ANTXRL: variants seen among roughly 807,000 people sequenced by gnomAD.
ANTXRL encodes the protein ANTXR like.
A neutral mutation model predicts 75.4 loss-of-function variants in ANTXRL; 63 were observed. The ratio of observed to expected loss-of-function variants is 0.84; its 90% CI spans 0.68 to 1.03. ANTXRL has a LOEUF of 1.03. ANTXRL is among the 50% of genes least tolerant of loss of function. The probability of loss-of-function intolerance (pLI) is 0.00; values close to 1 mark genes in which losing one functional copy is unlikely to be tolerated. For synonymous variants in ANTXRL, 335 were observed against 291.3 expected (o/e 1.15, Z -1.53); for missense variants, 797 against 789.4 (o/e 1.01, Z -0.12).
chr10:46,315,949 G>A (rs1237875233), intron 16 of ANTXRL, among the ~76,000 whole-genome samples: 1 of 151,982 alleles, frequency 6.6e-6, no homozygotes, highest in Admixed American at 6.6e-5. Context: ...TAAATTTTTT[G>A]ATAGTGTCCT....
In ANTXRL at chr10:46,329,870, C is replaced by A. The variant is rs558297801; in HGVS notation, c.1682C>A (p.Pro561Gln). ...CSPRICLRHS[P>Q]EYFSQAQTLC... ...CCAAGGATCTGCCTGAGACACAGCC[C>A]GGAGTACTTTTCCCAAGCACAGACT... Residue 561 changes from proline to glutamine, a missense_variant, in exon 17 of 17, where the codon CCG (proline) becomes CAG (glutamine). This residue lies in a region of ANTXRL where 479 missense variants were observed against 422.0 expected (regional missense o/e 1.14). Coordinates refer to ENST00000620264, the MANE Select transcript of ANTXRL (RefSeq NM_001278688.3). 2 of 1,534,934 alleles carry A rather than the reference C, an allele frequency of 1.3e-6. No individual in the cohort carries two copies. The highest frequency in any genetic ancestry group is 1.4e-5 in the African/African-American group (1 of 72,906).
At chr10:46,307,293 G>A in intron 11 of ANTXRL, 109 bp from the exon 12 acceptor site, 3 of 824,728 alleles carry the variant, frequency 3.6e-6, no homozygotes, top group Non-Finnish European at 2.0e-6. Flanking sequence ...TCATTGCTAA[G>A]TTTACCTGCA....
intron 16 of ANTXRL, among the ~76,000 whole-genome samples, chr10:46,317,716 T>C (rs572774189): frequency 2.0e-4 from 30 of 149,360 alleles, no homozygotes; most frequent in South Asian, 1.0e-3. Context: ...CCAAAACACA[T>C]GCACACACAC....
intron 11 of ANTXRL, 87 bp downstream of exon 11, chr10:46,306,959 C>T (rs2132776202): frequency 1.8e-6 from 2 of 1,123,696 alleles, no homozygotes; most frequent in African/African-American, 1.6e-5. Flanking sequence ...TGGATGCCCC[C>T]CACCCCCTGC....
chr10:46,316,541 C>A (rs555425694), intron 16 of ANTXRL, among the ~76,000 whole-genome samples: 6 of 152,102 alleles, frequency 3.9e-5, no homozygotes, highest in Admixed American at 3.3e-4. Flanking sequence ...CTGTGGACAC[C>A]GAAGCTCTGA....
intron 15 of ANTXRL, among the ~76,000 whole-genome samples, 168 bp downstream of exon 15, chr10:46,311,833 C>T (rs1219937802): frequency 1.3e-5 from 2 of 152,158 alleles, no homozygotes; most frequent in African/African-American, 2.4e-5. Flanking sequence ...ACCTCACCCT[C>T]GTGCCCCAGT....
intron 1 of ANTXRL, among the ~76,000 whole-genome samples, chr10:46,288,030 C>T (rs1231178638): frequency 1.3e-5 from 2 of 152,058 alleles, no homozygotes; most frequent in South Asian, 2.1e-4. Context: ...TGGAGAGCCA[C>T]GCGATAGTTC....
At chr10:46,305,650 G>A (rs10796320) in intron 10 of ANTXRL, among the ~76,000 whole-genome samples, 62,467 of 151,684 alleles carry the variant, frequency 0.41, 12,995 homozygotes, top group African/African-American at 0.58. Flanking sequence ...GCCCTCTCCC[G>A]CACTTCAGGA....
intron 9 of ANTXRL, among the ~76,000 whole-genome samples, chr10:46,298,349 G>A (rs1837513392): frequency 1.3e-5 from 2 of 151,850 alleles, no homozygotes; most frequent in Admixed American, 1.3e-4. Context: ...CTGTGGAAAT[G>A]TGTGTGAGAT....
At chr10:46,314,604 C>T (rs1484340274) in intron 16 of ANTXRL, among the ~76,000 whole-genome samples, 3 of 152,018 alleles carry the variant, frequency 2.0e-5, no homozygotes, top group Non-Finnish European at 2.9e-5. Flanking sequence ...TTGTCTCATT[C>T]CCAAGGGCAG....
At chr10:46,296,724 C>A (rs555610917) in intron 5 of ANTXRL, among the ~76,000 whole-genome samples, 2 of 152,276 alleles carry the variant, frequency 1.3e-5, no homozygotes, top group Admixed American at 6.5e-5. Context: ...AGAGGAAAGG[C>A]GTTGAGGTGG....
intron 2 of ANTXRL, 52 bp from the exon 3 acceptor site, chr10:46,293,777 G>T (rs1451265332): frequency 6.8e-7 from 1 of 1,479,900 alleles, no homozygotes; most frequent in African/African-American, 1.4e-5. Context: ...TCACCACCTT[G>T]GCTTCTGAGC....
At position 46,293,850 on chromosome 10, in the gene ANTXRL, C is replaced by T; in HGVS notation, c.342C>T (p.Phe114=). ...ACAGCCCAAATATTCGGATGTGCTT[C>T]ATCACCTACTCCACAGACGGCCAGA... ...RFQSPNIRMC[F]ITYSTDGQTV... is the part of the protein sequence containing the mutation. Residue 114 remains phenylalanine (F), a synonymous_variant, in exon 3 of 17, where the codon TTC becomes TTT. Coordinates refer to ENST00000620264, the MANE Select transcript of ANTXRL (RefSeq NM_001278688.3). 1.3e-6 allele frequency: 2 copies of T among 1,535,726 alleles called. No homozygotes were observed. The highest frequency in any genetic ancestry group is 1.7e-6 in the Non-Finnish European group (2 of 1,146,650).
chr10:46,322,513 T>C (rs911632071), intron 16 of ANTXRL, among the ~76,000 whole-genome samples: 9 of 151,310 alleles, frequency 5.9e-5, no homozygotes, highest in African/African-American at 2.2e-4. Context: ...CTACCTGAAG[T>C]TTTTATTGTT....
At chr10:46,324,164 C>T (rs913245459) in intron 16 of ANTXRL, among the ~76,000 whole-genome samples, 3 of 152,056 alleles carry the variant, frequency 2.0e-5, no homozygotes, top group African/African-American at 7.2e-5. Flanking sequence ...AGTGGGAGAG[C>T]ATAACAGGTA....
In ANTXRL at chr10:46,306,832, TC is replaced by T. The variant is rs1838120482; in HGVS notation, c.927del (p.Met310Ter). On this transcript the variant is annotated frameshift_variant, in exon 11 of 17. Transcript: ENST00000620264. LOFTEE classifies it high-confidence loss of function. Reference sequence around the variant, plus strand: ...AAAGCCAACCAGTATCGACAATAATTCCATGAATTGCCCTGGGCCAAAACTA... The same window carrying T: ...AAAGCCAACCAGTATCGACAATAATTCATGAATTGCCCTGGGCCAAAACTA... ...DEKPTSIDNNSMNCPGPKLEK... is the reference protein window; with the variant it reads ...DEKPTSIDNNXMNCPGPKLEK... 4 of 1,529,732 alleles carry T rather than the reference TC, an allele frequency of 2.6e-6. No homozygotes were observed. In the Admixed American group the frequency reaches 6.0e-5, roughly 23 times the overall value. The allele number at this position is 1,529,732 out of a possible 1,614,324, so 94.8% of individuals were successfully genotyped here. A position where few individuals can be genotyped will look rare whatever the true frequency, so the allele number is the denominator to read the frequency against.
intron 12 of ANTXRL, chr10:46,308,618 T>C: frequency 2.8e-6 from 1 of 363,146 alleles, no homozygotes; most frequent in Non-Finnish European, 5.5e-6. Flanking sequence ...TGGAGCTCTC[T>C]AAACCTCACA....
chr10:46,295,221 G>A (rs1162285853), intron 3 of ANTXRL, among the ~76,000 whole-genome samples: 1 of 152,298 alleles, frequency 6.6e-6, no homozygotes, highest in African/African-American at 2.4e-5. Flanking sequence ...GATAGAGCAG[G>A]AAACTGAGTC....
intron 11 of ANTXRL, among the ~76,000 whole-genome samples, chr10:46,307,167 A>G (rs1838145612): frequency 6.6e-6 from 1 of 152,148 alleles, no homozygotes; most frequent in Non-Finnish European, 1.5e-5. Context: ...CTGTAAATAC[A>G]GAAGAGCCAG....
Sources: gnomAD v4.1 joint callset for allele counts (sites outside exome capture counted in the v4.1 genomes callset) on GRCh38, gnomAD v4.1.1 for gene constraint, gnomAD v4.1.1 regional missense constraint, MANE v1.5 for transcripts, NCBI Gene and HGNC (gene_info 2026-07-23, HGNC 2026-07-21) for gene names.